The following KCNAB1 variants were observed in gnomAD, a reference collection of about 807,000 sequenced individuals.
The protein encoded by KCNAB1 is potassium voltage-gated channel subfamily A regulatory beta subunit 1, also known as voltage-gated potassium channel subunit beta-1.
Under a neutral mutation model 64.6 loss-of-function variants are expected in KCNAB1, and 35 were observed. That is an observed-to-expected ratio of 0.54 (90% CI 0.41 to 0.72). The LOEUF (loss-of-function observed/expected upper bound fraction) is 0.72. KCNAB1 is among the 30% of genes least tolerant of loss of function. The probability of loss-of-function intolerance (pLI) is 0.00; values close to 1 mark genes in which losing one functional copy is unlikely to be tolerated. For missense variants in KCNAB1, 401 were observed against 512.9 expected (o/e 0.78, Z 2.11); for synonymous variants, 177 against 183.8 (o/e 0.96, Z 0.30).
At chr3:156,316,436 G>A (rs183633360) in intron 1 of KCNAB1, among the ~76,000 whole-genome samples, 2 of 152,336 alleles carry the variant, frequency 1.3e-5, no homozygotes, top group Admixed American at 1.3e-4. Context: ...TACCAGCTGT[G>A]CAATCTTGGA....
At chr3:156,217,261 G>T (rs748936763) in intron 1 of KCNAB1, among the ~76,000 whole-genome samples, 1 of 152,200 alleles carries the variant, frequency 6.6e-6, no homozygotes, top group Non-Finnish European at 1.5e-5. Context: ...CAATCCAGAT[G>T]TTGTGCTATT....
chr3:156,145,450 C>T (rs890904640), intron 1 of KCNAB1, among the ~76,000 whole-genome samples: 17 of 152,054 alleles, frequency 1.1e-4, no homozygotes, highest in African/African-American at 3.9e-4. Context: ...GAAAGAGAAC[C>T]AGGGTTCTCT....
chr3:156,198,601 C>T (rs1029542891), intron 1 of KCNAB1, among the ~76,000 whole-genome samples: 3 of 146,026 alleles, frequency 2.1e-5, no homozygotes, highest in African/African-American at 7.6e-5. Context: ...TCAGAGACTA[C>T]GATTGCAAAC....
chr3:156,221,415 C>T (rs1715724085), intron 1 of KCNAB1, among the ~76,000 whole-genome samples: 1 of 152,142 alleles, frequency 6.6e-6, no homozygotes, highest in Non-Finnish European at 1.5e-5. Flanking sequence ...TAACAGATTT[C>T]TCAGCAGAAA....
intron 1 of KCNAB1, among the ~76,000 whole-genome samples, chr3:156,194,202 A>C (rs2108365474): frequency 6.6e-6 from 1 of 150,714 alleles, no homozygotes; most frequent in African/African-American, 2.4e-5. Flanking sequence ...TTTATATAGA[A>C]CCAGGTTTCC....
chr3:156,370,658 TCCACAATGGAGGAATTAAAGC>T lies in KCNAB1; in HGVS notation c.276-50955_276-50935del, dbSNP rs370336368. 6.0e-3 allele frequency among the ~76,000 whole-genome samples: 909 copies of T among 152,308 alleles called. 10 individuals carry two copies. The highest frequency in any genetic ancestry group is 0.02 in the African/African-American group (823 of 41,566). Reference sequence around the variant, plus strand: ...GAAGTCAAAGGGTTGGCTCCTGAGCTCCACAATGGAGGAATTAAAGCCCTCCCTGGATTGTATCTCTCCCAC... The same window carrying T: ...GAAGTCAAAGGGTTGGCTCCTGAGCTCCTCCCTGGATTGTATCTCTCCCAC... On this transcript the variant is annotated intron_variant, in intron 1 of 13. Transcript: ENST00000490337.
chr3:156,379,384 A>G (rs904377083), intron 1 of KCNAB1, among the ~76,000 whole-genome samples: 3 of 152,210 alleles, frequency 2.0e-5, no homozygotes, highest in African/African-American at 7.2e-5. Context: ...GTTAAGTGCT[A>G]TACATAAAGA....
chr3:156,426,288 ATAT>A (rs1225877995), intron 2 of KCNAB1, among the ~76,000 whole-genome samples: 1 of 152,074 alleles, frequency 6.6e-6, no homozygotes, highest in South Asian at 2.1e-4. Context: ...CTTTTTCTGC[ATAT>A]TATTATTATT....
chr3:156,143,115 A>G, intron 1 of KCNAB1: 2 of 1,495,100 alleles, frequency 1.3e-6, no homozygotes, highest in Admixed American at 2.4e-5. Flanking sequence ...ATTCACAGCA[A>G]GATACAGTGA....
chr3:156,475,968 T>C (rs1187749187), intron 8 of KCNAB1, among the ~76,000 whole-genome samples: 3 of 152,132 alleles, frequency 2.0e-5, no homozygotes, highest in African/African-American at 7.2e-5. Flanking sequence ...CGGGTAAAAT[T>C]AGGAGTTTAT....
chr3:156,416,333 CT>C (rs1388319996), intron 1 of KCNAB1, among the ~76,000 whole-genome samples: 1 of 152,194 alleles, frequency 6.6e-6, no homozygotes, highest in Non-Finnish European at 1.5e-5. Flanking sequence ...CCACTCAACC[CT>C]TTGTTCTCCC....
At chr3:156,486,674 T>C in intron 8 of KCNAB1, among the ~76,000 whole-genome samples, 1 of 151,924 alleles carries the variant, frequency 6.6e-6, no homozygotes, top group Non-Finnish European at 1.5e-5. Flanking sequence ...GGGGTCTTCT[T>C]GAGTCCTGCC....
chr3:156,297,660 C>T (rs1720888760), intron 1 of KCNAB1, among the ~76,000 whole-genome samples: 1 of 152,144 alleles, frequency 6.6e-6, no homozygotes, highest in African/African-American at 2.4e-5. Context: ...GTCACAGTCA[C>T]CATTCTTTAC....
intron 1 of KCNAB1, among the ~76,000 whole-genome samples, chr3:156,231,779 G>A (rs1258739454): frequency 6.6e-6 from 1 of 151,990 alleles, no homozygotes; most frequent in Non-Finnish European, 1.5e-5. Flanking sequence ...ACCAGAAAAT[G>A]TTTAAATTTA....
chr3:156,460,977 A>G (rs1004231858), intron 5 of KCNAB1, among the ~76,000 whole-genome samples: 1 of 152,144 alleles, frequency 6.6e-6, no homozygotes, highest in African/African-American at 2.4e-5. Context: ...AACTTTGATG[A>G]CCTACTTTCT....
chr3:156,355,549 T>G (rs2108094766), intron 1 of KCNAB1, among the ~76,000 whole-genome samples: 1 of 151,506 alleles, frequency 6.6e-6, no homozygotes, highest in South Asian at 2.1e-4. Context: ...AAATTCATAG[T>G]GGGTTTTTTT....
At chr3:156,363,724 C>G (rs1725764976) in intron 1 of KCNAB1, among the ~76,000 whole-genome samples, 1 of 152,190 alleles carries the variant, frequency 6.6e-6, no homozygotes, top group African/African-American at 2.4e-5. Context: ...AATCTGCCTG[C>G]CTTGGCATCC....
chr3:156,319,782 C>T (rs751472032), intron 1 of KCNAB1, among the ~76,000 whole-genome samples: 27 of 152,176 alleles, frequency 1.8e-4, no homozygotes, highest in Non-Finnish European at 3.4e-4. Flanking sequence ...GGATATTCTC[C>T]GTTTTGCCCT....
intron 1 of KCNAB1, among the ~76,000 whole-genome samples, chr3:156,363,887 T>C (rs1560218324): frequency 6.6e-6 from 1 of 152,230 alleles, no homozygotes; most frequent in Non-Finnish European, 1.5e-5. Context: ...ACTAGAAAGC[T>C]CTAAGACAAA....
Sources: allele counts gnomAD v4.1 joint callset (sites outside exome capture counted in the v4.1 genomes callset), GRCh38; gene constraint gnomAD v4.1.1; transcripts MANE v1.5; gene names NCBI Gene and HGNC (gene_info 2026-07-23, HGNC 2026-07-21).